The following ROBO2 variants were observed in gnomAD, a reference collection of about 807,000 sequenced individuals.
ROBO2 encodes the protein roundabout guidance receptor 2.
ROBO2 carries 53 observed loss-of-function variants against 160.8 expected under a neutral mutation model. That is an observed-to-expected ratio of 0.33 (90% CI 0.26 to 0.41). The LOEUF (loss-of-function observed/expected upper bound fraction) is 0.41, where lower values mean the gene tolerates loss of function less well. Among genes scored for constraint, ROBO2 ranks in the 10% least tolerant of loss-of-function variants. ROBO2 has a pLI of 1.00. For synonymous variants in ROBO2, 664 were observed against 611.7 expected (o/e 1.09, Z -1.26); for missense variants, 1,577 against 1,722.4 (o/e 0.92, Z 1.49).
intron 9 of ROBO2, among the ~76,000 whole-genome samples, chr3:77,559,764 A>T (rs985264957): frequency 6.6e-6 from 1 of 152,092 alleles, no homozygotes; most frequent in Non-Finnish European, 1.5e-5. Context: ...TTTTTGCTAC[A>T]TGCACACACA....
chr3:76,943,764 T>A (rs1463707135), intron 2 of ROBO2, among the ~76,000 whole-genome samples: 1 of 152,224 alleles, frequency 6.6e-6, no homozygotes, highest in Non-Finnish European at 1.5e-5. Context: ...AGGTTAGTTT[T>A]CTTTCTTTCG....
At chr3:75,933,918 T>C (rs1947653927) in intron 1 of ROBO2, among the ~76,000 whole-genome samples, 1 of 152,144 alleles carries the variant, frequency 6.6e-6, no homozygotes, top group South Asian at 2.1e-4. Context: ...GTAGATGTAA[T>C]GCATCTCTTA....
intron 2 of ROBO2, among the ~76,000 whole-genome samples, chr3:76,828,843 AG>A (rs1303425089): frequency 6.6e-6 from 1 of 152,074 alleles, no homozygotes; most frequent in Non-Finnish European, 1.5e-5. Flanking sequence ...CTGTGCCAAA[AG>A]ACAGATGTTT....
chr3:77,038,477 C>G (rs2063765140), upstream of ROBO2, among the ~76,000 whole-genome samples: 1 of 152,078 alleles, frequency 6.6e-6, no homozygotes, highest in South Asian at 2.1e-4. Context: ...GCAAGGGAGA[C>G]CTAAGTTAAG....
intron 2 of ROBO2, chr3:76,434,402 G>A (rs764254343): frequency 5.8e-6 from 9 of 1,563,716 alleles, no homozygotes; most frequent in East Asian, 2.2e-5. Context: ...AGCTGTCAAC[G>A]AAAGTATCCA....
At chr3:76,569,220 ATTGTGT>A (rs1452833642) in intron 2 of ROBO2, among the ~76,000 whole-genome samples, 1 of 152,116 alleles carries the variant, frequency 6.6e-6, no homozygotes, top group Non-Finnish European at 1.5e-5. Context: ...AGTTGGGCCA[ATTGTGT>A]TTCAGTTCAG....
upstream of ROBO2, among the ~76,000 whole-genome samples, chr3:77,039,376 G>A (rs1219547295): frequency 6.6e-6 from 1 of 152,204 alleles, no homozygotes; most frequent in Non-Finnish European, 1.5e-5. Context: ...CCTGGGTCCT[G>A]GAGGCTGATC....
At chr3:77,432,632 C>T (rs115869515) in intron 2 of ROBO2, among the ~76,000 whole-genome samples, 2,024 of 152,232 alleles carry the variant, frequency 0.013, 45 homozygotes, top group African/African-American at 0.044. Flanking sequence ...TTTGGGGCCA[C>T]AATGACAAGA....
At chr3:76,830,254 G>A (rs565062114) in intron 2 of ROBO2, among the ~76,000 whole-genome samples, 1 of 152,184 alleles carries the variant, frequency 6.6e-6, no homozygotes, top group African/African-American at 2.4e-5. Context: ...TCAGCCATTC[G>A]AACAGGCGTT....
At chr3:76,856,715 C>A (rs1016345749) in intron 2 of ROBO2, among the ~76,000 whole-genome samples, 4 of 152,128 alleles carry the variant, frequency 2.6e-5, no homozygotes, top group Non-Finnish European at 5.9e-5. Context: ...TGCTTTACCA[C>A]ACTATATTTA....
intron 2 of ROBO2, among the ~76,000 whole-genome samples, chr3:75,986,811 AT>A (rs924038512): frequency 3.3e-5 from 5 of 149,536 alleles, no homozygotes; most frequent in South Asian, 2.1e-4. Flanking sequence ...TTTTATTTTT[AT>A]TTTTTTTTAA....
intron 2 of ROBO2, among the ~76,000 whole-genome samples, chr3:76,447,973 C>T (rs567978945): frequency 3.3e-5 from 5 of 151,148 alleles, no homozygotes; most frequent in African/African-American, 9.7e-5. Context: ...AGCACACCAA[C>T]GTGGCACATG....
chr3:76,020,172 CTG>C (rs2066531833), intron 2 of ROBO2, among the ~76,000 whole-genome samples: 1 of 151,886 alleles, frequency 6.6e-6, no homozygotes. Flanking sequence ...AGACTTTGCT[CTG>C]TAATATTAAT....
chr3:77,069,963 AT>A (rs1177244125), intron 1 of ROBO2, among the ~76,000 whole-genome samples: 1 of 152,130 alleles, frequency 6.6e-6, no homozygotes, highest in Non-Finnish European at 1.5e-5. Flanking sequence ...AGAGAGTAAA[AT>A]TTTAAAAGGG....
chr3:77,158,428 A>G (rs1418828886), intron 2 of ROBO2, among the ~76,000 whole-genome samples: 2 of 152,116 alleles, frequency 1.3e-5, no homozygotes, highest in Non-Finnish European at 2.9e-5. Context: ...ATATGAGGTA[A>G]GTTAATACAT....
chr3:77,431,614 G>A (rs1004351796), intron 2 of ROBO2, among the ~76,000 whole-genome samples: 2 of 151,960 alleles, frequency 1.3e-5, no homozygotes, highest in African/African-American at 2.4e-5. Context: ...TCTTACTTTC[G>A]TCCTGTGTTC....
In ROBO2 at chr3:77,452,397, T is replaced by C. The variant is rs558919371; in HGVS notation, c.389-25017T>C. Among the ~76,000 whole-genome samples the C allele has an allele frequency of 3.9e-5, 6 of 152,302 alleles. No homozygotes were observed. In the South Asian group the frequency reaches 1.2e-3, roughly 32 times the overall value. ...CCCGCTCTCTCCTTCTGAGCATATA[T>C]ATAGTTAAAATCAGATAAACTAACC... On this transcript the variant is annotated intron_variant, in intron 2 of 25. Coordinates refer to ENST00000461745, the Ensembl canonical transcript of ROBO2.
chr3:77,324,556 G>C (rs1418973088), intron 2 of ROBO2, among the ~76,000 whole-genome samples: 1 of 152,060 alleles, frequency 6.6e-6, no homozygotes, highest in East Asian at 1.9e-4. Context: ...GAGGCGGGCG[G>C]ATCACGAGGT....
chr3:77,598,525 G>GTTTATATATATATATATATATATA (rs2094360933), intron 19 of ROBO2, among the ~76,000 whole-genome samples: 1 of 71,452 alleles, frequency 1.4e-5, no homozygotes, highest in Non-Finnish European at 2.8e-5. Flanking sequence ...ATATATATAT[G>GTTTATATATATATATATATATATA]TGTATATATA....
Sources: allele counts gnomAD v4.1 joint callset (sites outside exome capture counted in the v4.1 genomes callset), GRCh38; gene constraint gnomAD v4.1.1; transcripts MANE v1.5; gene names NCBI Gene and HGNC (gene_info 2026-07-23, HGNC 2026-07-21).